RBFOX1: variants seen among roughly 807,000 people sequenced by gnomAD.
RBFOX1 encodes RNA binding fox-1 homolog 1.
In RBFOX1, 8 loss-of-function variants were observed where a neutral mutation model predicts 57.7. The ratio of observed to expected loss-of-function variants is 0.14; its 90% CI spans 0.08 to 0.25. The LOEUF is 0.25. RBFOX1 is among the 10% of genes least tolerant of loss of function. The probability of loss-of-function intolerance (pLI) is 1.00; values close to 1 mark genes in which losing one functional copy is unlikely to be tolerated. For missense variants in RBFOX1, 611 were observed against 548.5 expected (o/e 1.11, Z -1.14); for synonymous variants, 326 against 222.4 (o/e 1.47, Z -4.15).
chr16:5,506,177 C>CCGGG (rs1567172758), intron 2 of RBFOX1, among the ~76,000 whole-genome samples: 1 of 152,174 alleles, frequency 6.6e-6, no homozygotes, highest in South Asian at 2.1e-4. Context: ...TCACAGTGTT[C>CCGGG]CGGGAACTTT....
chr16:6,112,714 C>G (rs879921424), intron 1 of RBFOX1, among the ~76,000 whole-genome samples: 3 of 152,106 alleles, frequency 2.0e-5, no homozygotes, highest in Admixed American at 6.6e-5. Flanking sequence ...GGAGCAAGTT[C>G]TGAGGTGAGA....
rs1370796990 is a variant in RBFOX1, at chr16:5,666,293, C to G, written c.318+67332C>G. 2.0e-5 allele frequency among the ~76,000 whole-genome samples: 3 copies of G among 152,214 alleles called. No individual in the cohort carries two copies. In the East Asian group the frequency reaches 5.8e-4, roughly 29 times the overall value. On this transcript the variant is annotated intron_variant, in intron 3 of 19. Coordinates refer to the RBFOX1 transcript ENST00000641259. ...AGCCTCATTATCCCATTTCTGTGAC[C>G]TTCTTCTTTTCTTCAACATTGGTAC...
At chr16:5,928,927 CG>C (rs2058990955) in intron 4 of RBFOX1, among the ~76,000 whole-genome samples, 1 of 151,496 alleles carries the variant, frequency 6.6e-6, no homozygotes, top group Admixed American at 6.6e-5. Flanking sequence ...AAACAGAGCT[CG>C]CAATGTGGCT....
At chr16:5,526,026 C>T (rs981970508) in intron 2 of RBFOX1, among the ~76,000 whole-genome samples, 2 of 151,632 alleles carry the variant, frequency 1.3e-5, no homozygotes, top group African/African-American at 2.4e-5. Context: ...TCCCAGGGGG[C>T]GGACGGGCAG....
intron 4 of RBFOX1, among the ~76,000 whole-genome samples, chr16:7,222,075 C>G (rs1023499510): frequency 6.6e-6 from 1 of 152,162 alleles, no homozygotes; most frequent in Non-Finnish European, 1.5e-5. Flanking sequence ...TTTGAATACT[C>G]TGTGTCACTG....
intron 4 of RBFOX1, among the ~76,000 whole-genome samples, chr16:7,474,246 C>A (rs2062158112): frequency 2.0e-5 from 3 of 152,164 alleles, no homozygotes; most frequent in Non-Finnish European, 4.4e-5. Flanking sequence ...GAGATCGCGC[C>A]ATTGCACTCC....
At chr16:6,950,594 A>G (rs1017076248) in intron 3 of RBFOX1, among the ~76,000 whole-genome samples, 7 of 152,186 alleles carry the variant, frequency 4.6e-5, no homozygotes, top group African/African-American at 1.4e-4. Flanking sequence ...GCATTAAGAT[A>G]ATACAATATA....
chr16:7,710,192 T>G lies in RBFOX1; in HGVS notation c.1072-431T>G, dbSNP rs372842620. The G allele has an allele frequency of 4.9e-6, 5 of 1,028,150 alleles. No individual in the cohort carries two copies. The African/African-American group carries it at 6.9e-5, about 14-fold the overall frequency. 63.7% of individuals were successfully genotyped at this position (1,028,150 alleles called of 1,614,324 possible). A position where few individuals can be genotyped will look rare whatever the true frequency, so the allele number is the denominator to read the frequency against. ...TTACAGAGCCAAGTTAAGTAAGAAG[T>G]AGGTTGAGATTTTCATCCCAATTCT... is the stretch of plus-strand genomic sequence containing the variant. On this transcript the variant is annotated intron_variant, in intron 15 of 15. Transcript: ENST00000550418.
intron 4 of RBFOX1, among the ~76,000 whole-genome samples, chr16:7,409,138 C>T (rs996719388): frequency 1.3e-5 from 2 of 152,206 alleles, no homozygotes; most frequent in African/African-American, 2.4e-5. Context: ...AGAATCCGGC[C>T]TGTGATCAGG....
intron 3 of RBFOX1, among the ~76,000 whole-genome samples, chr16:5,786,458 T>G: frequency 6.6e-6 from 1 of 152,104 alleles, no homozygotes; most frequent in Non-Finnish European, 1.5e-5. Context: ...GTTGAAATAG[T>G]GACAAGAGAG....
intron 1 of RBFOX1, among the ~76,000 whole-genome samples, chr16:6,218,698 A>G (rs2097352119): frequency 6.6e-6 from 1 of 152,198 alleles, no homozygotes; most frequent in South Asian, 2.1e-4. Context: ...ATTGTTCTAC[A>G]TGGAAAATTT....
chr16:7,192,955 T>C (rs9928369), intron 4 of RBFOX1, among the ~76,000 whole-genome samples: 28,955 of 152,178 alleles, frequency 0.19, 3,009 homozygotes, highest in East Asian at 0.38. Flanking sequence ...CTTCCCCTCC[T>C]CTTTGTGTCG....
chr16:5,862,293 C>T (rs2057239229), intron 3 of RBFOX1, among the ~76,000 whole-genome samples: 1 of 152,220 alleles, frequency 6.6e-6, no homozygotes, highest in African/African-American at 2.4e-5. Context: ...ACTGACGTCA[C>T]AGTTAAAGCC....
At chr16:6,482,027 G>A (rs1254218530) in intron 2 of RBFOX1, among the ~76,000 whole-genome samples, 1 of 152,164 alleles carries the variant, frequency 6.6e-6, no homozygotes, top group East Asian at 1.9e-4. Context: ...ATTGCCTCTA[G>A]ATATGAAGTT....
At chr16:7,258,591 C>T (rs1603451515) in intron 4 of RBFOX1, among the ~76,000 whole-genome samples, 1 of 152,082 alleles carries the variant, frequency 6.6e-6, no homozygotes, top group Admixed American at 6.6e-5. Flanking sequence ...GTATGAGATT[C>T]ATATTAGAGA....
chr16:7,302,704 G>T (rs577426182), intron 4 of RBFOX1, among the ~76,000 whole-genome samples: 1 of 146,834 alleles, frequency 6.8e-6, no homozygotes, highest in Non-Finnish European at 1.5e-5. Flanking sequence ...TACTCTTCCT[G>T]ATCACGATTT....
intron 4 of RBFOX1, among the ~76,000 whole-genome samples, chr16:7,320,037 T>A (rs1457911392): frequency 6.6e-6 from 1 of 152,202 alleles, no homozygotes; most frequent in East Asian, 1.9e-4. Flanking sequence ...TATGTATGCA[T>A]TAATCTGTTT....
rs963280585 is a variant in RBFOX1, at chr16:5,431,308, C to G, written c.220-35908C>G. On this transcript the variant is annotated intron_variant, in intron 1 of 2. Coordinates refer to the RBFOX1 transcript ENST00000585867. Reference sequence around the variant, plus strand: ...AAATCCAGTGTCTATTTCAACCGTGCAGAAATACTTGGTAAAATTTTAAAA... The same window carrying G: ...AAATCCAGTGTCTATTTCAACCGTGGAGAAATACTTGGTAAAATTTTAAAA... Among the ~76,000 whole-genome samples the G allele has an allele frequency of 2.0e-5, 3 of 152,200 alleles. No individual in the cohort carries two copies. The South Asian group carries it at 6.2e-4, about 32-fold the overall frequency.
At chr16:6,160,504 G>T (rs1053946682) in intron 1 of RBFOX1, among the ~76,000 whole-genome samples, 2 of 152,010 alleles carry the variant, frequency 1.3e-5, no homozygotes, top group Non-Finnish European at 2.9e-5. Flanking sequence ...ATCACCCTGG[G>T]CAAACACCGT....
Sources: gnomAD v4.1 joint callset for allele counts (sites outside exome capture counted in the v4.1 genomes callset) on GRCh38, gnomAD v4.1.1 for gene constraint, MANE v1.5 for transcripts, NCBI Gene and HGNC (gene_info 2026-07-23, HGNC 2026-07-21) for gene names.